Variants in TBL1X observed in about 807,000 individuals in gnomAD.
TBL1X encodes F-box-like/WD repeat-containing protein TBL1X.
A neutral mutation model predicts 50.7 loss-of-function variants in TBL1X; 10 were observed. That is an observed-to-expected ratio of 0.20 (90% CI 0.12 to 0.33). The LOEUF (loss-of-function observed/expected upper bound fraction) is 0.33, where lower values mean the gene tolerates loss of function less well. TBL1X is among the 10% of genes least tolerant of loss of function. The probability of loss-of-function intolerance (pLI) is 1.00; values close to 1 mark genes in which losing one functional copy is unlikely to be tolerated. For synonymous variants in TBL1X, 190 were observed against 214.7 expected (o/e 0.88, Z 1.01); for missense variants, 340 against 504.4 (o/e 0.67, Z 3.12).
chrX:9,502,381 C>T (rs2082005646), intron 2 of TBL1X, among the ~76,000 whole-genome samples: 1 of 112,281 alleles, frequency 8.9e-6, no homozygotes, highest in Admixed American at 9.4e-5. Context: ...CATCACGGGG[C>T]CACCCATTAT....
chrX:9,627,987 A>G (rs1265816471), intron 2 of TBL1X, among the ~76,000 whole-genome samples: 2 of 112,441 alleles, frequency 1.8e-5, no homozygotes, highest in Non-Finnish European at 1.9e-5. Flanking sequence ...AAGATGCATA[A>G]CCAGCCTTGC....
chrX:9,643,642 G>A (rs987545591), intron 3 of TBL1X, among the ~76,000 whole-genome samples: 4 of 111,349 alleles, frequency 3.6e-5, no homozygotes, highest in Non-Finnish European at 7.5e-5. Context: ...ACTTGAGGCC[G>A]GAAGTTTGAG....
rs199709344 is a variant in TBL1X, at chrX:9,518,316, CTAGCGTG to C, written c.-131+16471_-131+16477del. 5.3e-3 allele frequency among the ~76,000 whole-genome samples: 592 copies of C among 111,531 alleles called. 2 individuals are homozygous for C. Among genetic ancestry groups the C allele is most frequent in the African/African-American group, 0.018 (568 of 30,712 alleles). On this transcript the variant is annotated intron_variant, in intron 2 of 17. Coordinates refer to ENST00000645353, the MANE Select transcript of TBL1X (RefSeq NM_005647.4). Reference sequence around the variant, plus strand: ...ATTTGCTCTCTGGTCCTCTGCAGAACTAGCGTGTAGTTCTGAGTGCTTGAAGGCACGT... The same window carrying C: ...ATTTGCTCTCTGGTCCTCTGCAGAACTAGTTCTGAGTGCTTGAAGGCACGT...
chrX:9,595,108 G>A (rs1285863709), intron 2 of TBL1X, among the ~76,000 whole-genome samples: 2 of 112,068 alleles, frequency 1.8e-5, no homozygotes, highest in Non-Finnish European at 3.8e-5. Context: ...CAGAGCCAGC[G>A]CCACTGTGCA....
In TBL1X at chrX:9,611,373, G is replaced by A. The variant is rs745570911; in HGVS notation, c.-130-28900G>A. On this transcript the variant is annotated intron_variant, in intron 2 of 17. Coordinates refer to ENST00000645353, the MANE Select transcript of TBL1X (RefSeq NM_005647.4). ...CTCCTTGATGCCCACCTTTCTTATGGGTGGTTCTTAATTAGTTCCAAACAG... is the reference window on the plus strand; with the variant it reads ...CTCCTTGATGCCCACCTTTCTTATGAGTGGTTCTTAATTAGTTCCAAACAG... Among the ~76,000 whole-genome samples the A allele has an allele frequency of 5.3e-5, 6 of 112,361 alleles. No individual in the cohort carries two copies. In the South Asian group the frequency reaches 1.8e-3, roughly 35 times the overall value.
chrX:9,536,396 A>G lies in TBL1X; in HGVS notation c.-131+34547A>G, dbSNP rs1220913385. 2.7e-5 allele frequency among the ~76,000 whole-genome samples: 3 copies of G among 109,763 alleles called. No homozygotes were observed. The Admixed American group carries it at 2.9e-4, about 11-fold the overall frequency. On this transcript the variant is annotated intron_variant, in intron 2 of 17. Transcript: ENST00000645353. Reference sequence around the variant, plus strand: ...CTCCGGAGTAGCTGGGACTACAGGCATGCACCACGATGCCCAGCTAATTTT... The same window carrying G: ...CTCCGGAGTAGCTGGGACTACAGGCGTGCACCACGATGCCCAGCTAATTTT...
intron 1 of TBL1X, among the ~76,000 whole-genome samples, chrX:9,495,698 G>A (rs980076813): frequency 3.6e-5 from 4 of 111,578 alleles, no homozygotes; most frequent in South Asian, 3.7e-4. Context: ...CTCATCTAAC[G>A]CACGTATTTT....
intron 2 of TBL1X, among the ~76,000 whole-genome samples, chrX:9,594,297 A>G (rs991724472): frequency 6.2e-5 from 7 of 112,521 alleles, no homozygotes; most frequent in African/African-American, 1.9e-4. Context: ...ATATTGTAGT[A>G]ACTCTCCCAG....
chrX:9,543,956 A>G (rs1340743348), intron 2 of TBL1X, among the ~76,000 whole-genome samples: 3 of 110,850 alleles, frequency 2.7e-5, no homozygotes, highest in East Asian at 5.7e-4. Flanking sequence ...TTTTAAAGGG[A>G]TAATCTGCTA....
rs137934410 is a variant in TBL1X, at chrX:9,532,198, C to T, written c.-131+30349C>T. 5.2e-3 allele frequency among the ~76,000 whole-genome samples: 580 copies of T among 111,852 alleles called. 5 individuals are homozygous for T. The highest frequency in any genetic ancestry group is 0.017 in the African/African-American group (529 of 30,781). ...TCTGCATGTGGATCTCTGTCCAAGCCTGCACTGGGAGCCCCTGCCCCAGGA... is the reference window on the plus strand; with the variant it reads ...TCTGCATGTGGATCTCTGTCCAAGCTTGCACTGGGAGCCCCTGCCCCAGGA... On this transcript the variant is annotated intron_variant, in intron 2 of 17. Transcript: ENST00000645353.
At chrX:9,675,891 C>CAAAAAA (rs1175476577) in intron 5 of TBL1X, among the ~76,000 whole-genome samples, 1 of 58,311 alleles carries the variant, frequency 1.7e-5, no homozygotes, top group Non-Finnish European at 3.2e-5. Context: ...AACTCTGTCT[C>CAAAAAA]AAAAAAAAAA....
chrX:9,635,171 A>C (rs1445973612), intron 2 of TBL1X, among the ~76,000 whole-genome samples: 7 of 110,783 alleles, frequency 6.3e-5, no homozygotes, highest in African/African-American at 2.0e-4. Context: ...CGAGCACCCG[A>C]AGGAATTTTA....
At chrX:9,516,196 A>G (rs2082080116) in intron 2 of TBL1X, among the ~76,000 whole-genome samples, 1 of 111,585 alleles carries the variant, frequency 9.0e-6, no homozygotes, top group East Asian at 2.8e-4. Context: ...GTGTTGCCAC[A>G]ATTAAGAACC....
intron 5 of TBL1X, among the ~76,000 whole-genome samples, chrX:9,671,508 A>G (rs2082960274): frequency 8.8e-6 from 1 of 113,487 alleles, no homozygotes; most frequent in Non-Finnish European, 1.9e-5. Context: ...GAGGTTCTGT[A>G]TCTGTCGTTG....
chrX:9,698,981 T>A (rs1406702235), intron 12 of TBL1X, among the ~76,000 whole-genome samples: 1 of 111,228 alleles, frequency 9.0e-6, no homozygotes, highest in Non-Finnish European at 1.9e-5. Context: ...GTTTTGGGTT[T>A]TTTTGTTTGT....
chrX:9,585,652 A>G (rs1334550014), intron 2 of TBL1X, among the ~76,000 whole-genome samples: 1 of 110,955 alleles, frequency 9.0e-6, no homozygotes, highest in Non-Finnish European at 1.9e-5. Context: ...CAGGTCTGAA[A>G]CTGTGGTGTT....
At chrX:9,654,149 C>T in intron 4 of TBL1X, 66 bp from the exon 5 acceptor site, 2 of 945,725 alleles carry the variant, frequency 2.1e-6, no homozygotes, top group Non-Finnish European at 2.9e-6. Flanking sequence ...TTTCTTTAGT[C>T]ATCTCAAAAA....
At chrX:9,598,914 T>TTTGTTTTG (rs34271598) in intron 2 of TBL1X, among the ~76,000 whole-genome samples, 1,701 of 98,326 alleles carry the variant, frequency 0.017, 32 homozygotes, top group African/African-American at 0.048. Flanking sequence ...CTACCTTTTT[T>TTTGTTTTG]TTTTGTTTTG....
At chrX:9,467,232 G>A (rs1019263401) in intron 1 of TBL1X, among the ~76,000 whole-genome samples, 4 of 111,325 alleles carry the variant, frequency 3.6e-5, no homozygotes, top group African/African-American at 1.3e-4. Context: ...AATGGTCCCT[G>A]CAGAGGGAGG....
Sources: gnomAD v4.1 joint callset for allele counts (sites outside exome capture counted in the v4.1 genomes callset) on GRCh38, gnomAD v4.1.1 for gene constraint, MANE v1.5 for transcripts, NCBI Gene and HGNC (gene_info 2026-07-23, HGNC 2026-07-21) for gene names.